Variants in MGAT4C observed in about 807,000 individuals in gnomAD.
MGAT4C encodes alpha-1,3-mannosyl-glycoprotein 4-beta-N-acetylglucosaminyltransferase C.
Under a neutral mutation model 40.1 loss-of-function variants are expected in MGAT4C, and 19 were observed. The ratio of observed to expected loss-of-function variants is 0.47; its 90% CI spans 0.33 to 0.70. The LOEUF is 0.70. Among genes scored for constraint, MGAT4C ranks in the 30% least tolerant of loss-of-function variants. The pLI, the probability that MGAT4C is intolerant of heterozygous loss-of-function variation, is 0.02. For missense variants in MGAT4C, 491 were observed against 563.2 expected, an observed-to-expected ratio of 0.87 and a Z score of 1.30; for synonymous variants, 181 against 187.1, an observed-to-expected ratio of 0.97 and a Z score of 0.27.
At chr12:86,700,948 C>A (rs1950351272) in intron 2 of MGAT4C, among the ~76,000 whole-genome samples, 1 of 151,830 alleles carries the variant, frequency 6.6e-6, no homozygotes, top group East Asian at 1.9e-4. Flanking sequence ...TGAATTTTAT[C>A]AAAATATAAT....
chr12:86,509,279 G>A (rs1449617596), intron 2 of MGAT4C, among the ~76,000 whole-genome samples: 2 of 152,238 alleles, frequency 1.3e-5, no homozygotes, highest in Admixed American at 6.5e-5. Context: ...TTCTACATAT[G>A]GCTAGCCAGT....
chr12:86,678,769 T>C (rs1411055994), intron 2 of MGAT4C, among the ~76,000 whole-genome samples: 1 of 152,170 alleles, frequency 6.6e-6, no homozygotes, highest in Non-Finnish European at 1.5e-5. Flanking sequence ...TCATCATTTT[T>C]TATGGCTGCA....
intron 1 of MGAT4C, among the ~76,000 whole-genome samples, chr12:86,213,155 G>T (rs1052549816): frequency 6.6e-6 from 1 of 152,088 alleles, no homozygotes; most frequent in Non-Finnish European, 1.5e-5. Flanking sequence ...TGGAGGATAT[G>T]GTTCTAATTT....
At chr12:86,833,574 C>A (rs921129366) in intron 1 of MGAT4C, among the ~76,000 whole-genome samples, 4 of 151,762 alleles carry the variant, frequency 2.6e-5, no homozygotes, top group Non-Finnish European at 4.4e-5. Flanking sequence ...GTCCAAATTC[C>A]CTCTTCTTAG....
At chr12:86,071,844 T>C (rs1165449881) in intron 1 of MGAT4C, among the ~76,000 whole-genome samples, 1 of 152,148 alleles carries the variant, frequency 6.6e-6, no homozygotes, top group African/African-American at 2.4e-5. Flanking sequence ...ATGATCAGTG[T>C]TCTTAACTAG....
intron 1 of MGAT4C, among the ~76,000 whole-genome samples, chr12:86,760,243 TC>T (rs1269515559): frequency 1.3e-5 from 2 of 152,034 alleles, no homozygotes. Context: ...TAGACCCTTA[TC>T]TCTCACCATA....
intron 3 of MGAT4C, among the ~76,000 whole-genome samples, chr12:86,359,998 GATACCAA>G (rs1955422195): frequency 1.3e-5 from 2 of 152,138 alleles, no homozygotes; most frequent in Non-Finnish European, 2.9e-5. Flanking sequence ...GCATCATCCT[GATACCAA>G]AGCTGGGCAG....
intron 2 of MGAT4C, among the ~76,000 whole-genome samples, chr12:86,690,177 A>T (rs1403002250): frequency 6.6e-6 from 1 of 152,150 alleles, no homozygotes; most frequent in Non-Finnish European, 1.5e-5. Context: ...ACCAAGCACC[A>T]GAGTCCCAGG....
chr12:86,682,063 T>C (rs1236850966), intron 2 of MGAT4C, among the ~76,000 whole-genome samples: 3 of 152,030 alleles, frequency 2.0e-5, no homozygotes, highest in Non-Finnish European at 2.9e-5. Flanking sequence ...GAACAGATTT[T>C]TGCATCTTAA....
chr12:86,223,416 A>T (rs894984512), intron 1 of MGAT4C, among the ~76,000 whole-genome samples: 86 of 152,286 alleles, frequency 5.6e-4, no homozygotes, highest in African/African-American at 1.8e-3. Flanking sequence ...GAGGCCAGGC[A>T]CTTTCACACT....
intron 2 of MGAT4C, among the ~76,000 whole-genome samples, chr12:86,665,582 T>A (rs536467650): frequency 1.3e-5 from 2 of 152,252 alleles, no homozygotes; most frequent in African/African-American, 4.8e-5. Flanking sequence ...TTTCACCGTG[T>A]TAGCCAGGAT....
intron 1 of MGAT4C, among the ~76,000 whole-genome samples, chr12:86,824,536 G>C (rs530637348): frequency 1.5e-3 from 228 of 151,186 alleles, no homozygotes; most frequent in African/African-American, 5.4e-3. Context: ...CATCTACTGG[G>C]GGTCTTGGAA....
At chr12:86,057,375 C>CT (rs372557985) in intron 1 of MGAT4C, among the ~76,000 whole-genome samples, 15 of 152,208 alleles carry the variant, frequency 9.9e-5, no homozygotes, top group Non-Finnish European at 7.4e-5. Flanking sequence ...TCAGATCCCT[C>CT]TTTTTTCTGA....
intron 3 of MGAT4C, among the ~76,000 whole-genome samples, chr12:86,411,779 G>C (rs1039990552): frequency 2.6e-5 from 4 of 152,112 alleles, no homozygotes; most frequent in Non-Finnish European, 4.4e-5. Flanking sequence ...ATGGGTAAAG[G>C]GCCTCAGAGG....
chr12:85,994,818 G>C (rs1386929167), intron 2 of MGAT4C, among the ~76,000 whole-genome samples: 1 of 152,104 alleles, frequency 6.6e-6, no homozygotes, highest in Non-Finnish European at 1.5e-5. Context: ...ATATCTAAAG[G>C]ACATAGAAAA....
chr12:85,978,509 T>C lies in MGAT4C; in HGVS notation c.*780A>G, dbSNP rs111896557. On this transcript the variant is annotated 3_prime_UTR_variant, in exon 5 of 5. Transcript: ENST00000611864. ...GTCTGTACGAATGAGCTAACTACTA[T>C]AGGCCTTCCCTAATTTATTCTATTA... 3 of 151,970 alleles carry C rather than the reference T, an allele frequency of 2.0e-5. No homozygotes were observed. The highest frequency in any genetic ancestry group is 6.6e-5 in the Admixed American group (1 of 15,164). 9.4% of individuals were successfully genotyped at this position (151,970 alleles called of 1,614,324 possible).
intron 3 of MGAT4C, among the ~76,000 whole-genome samples, chr12:86,350,756 C>A (rs1955139524): frequency 6.6e-6 from 1 of 152,028 alleles, no homozygotes; most frequent in Non-Finnish European, 1.5e-5. Context: ...GTAATAGCAA[C>A]AATTAGCAAT....
At chr12:86,027,486 AC>A (rs1890344836) in intron 2 of MGAT4C, among the ~76,000 whole-genome samples, 1 of 151,920 alleles carries the variant, frequency 6.6e-6, no homozygotes, top group Non-Finnish European at 1.5e-5. Flanking sequence ...GGCCCAGAGA[AC>A]AGAATAGAAA....
intron 1 of MGAT4C, among the ~76,000 whole-genome samples, chr12:86,241,086 G>A (rs1283329393): frequency 6.6e-6 from 1 of 152,060 alleles, no homozygotes; most frequent in African/African-American, 2.4e-5. Context: ...ATAATACACA[G>A]GTGATTTTGT....
Sources: gnomAD v4.1 joint callset for allele counts (sites outside exome capture counted in the v4.1 genomes callset) on GRCh38, gnomAD v4.1.1 for gene constraint, MANE v1.5 for transcripts, NCBI Gene and HGNC (gene_info 2026-07-23, HGNC 2026-07-21) for gene names.